The following PCGF3 variants were observed in gnomAD, a reference collection of about 807,000 sequenced individuals.
PCGF3 encodes polycomb group ring finger 3.
PCGF3 carries 7 observed loss-of-function variants against 33.1 expected under a neutral mutation model. That is an observed-to-expected ratio of 0.21 (90% confidence interval 0.12 to 0.40). The LOEUF (loss-of-function observed/expected upper bound fraction) is 0.40. Ranked by LOEUF, PCGF3 falls within the 10% of genes least tolerant of loss-of-function variation. PCGF3 has a pLI of 1.00. For missense variants in PCGF3, 211 were observed against 313.3 expected (o/e 0.67, Z 2.46); for synonymous variants, 153 against 121.3 (o/e 1.26, Z -1.72).
intron 6 of PCGF3, among the ~76,000 whole-genome samples, chr4:740,555 C>T (rs758585686): frequency 3.9e-5 from 6 of 152,104 alleles, no homozygotes; most frequent in Non-Finnish European, 5.9e-5. Context: ...CTCACCAGTC[C>T]TCTTTCCATG....
At chr4:733,832 C>T (rs112467704) in intron 4 of PCGF3, 43 bp downstream of exon 4, 2 of 1,613,484 alleles carry the variant, frequency 1.2e-6, no homozygotes, top group Non-Finnish European at 1.7e-6. Flanking sequence ...CGCGCCCTTC[C>T]CAGCTCTGTG....
chr4:755,087 G>C (rs73058457), intron 8 of PCGF3, among the ~76,000 whole-genome samples: 1 of 152,234 alleles, frequency 6.6e-6, no homozygotes, highest in African/African-American at 2.4e-5. Context: ...GGTGTGTAAC[G>C]TACCCGCTTG....
intron 1 of PCGF3, among the ~76,000 whole-genome samples, chr4:719,510 C>A (rs1742989711): frequency 6.6e-6 from 1 of 152,248 alleles, no homozygotes; most frequent in Middle Eastern, 3.2e-3. Context: ...GCCGCCCCCC[C>A]AGGTCCTGTG....
chr4:718,152 C>T (rs1238415237), intron 1 of PCGF3, among the ~76,000 whole-genome samples: 2 of 152,136 alleles, frequency 1.3e-5, no homozygotes, highest in African/African-American at 2.4e-5. Context: ...TCCTGATGGA[C>T]GTGCCGGCCG....
intron 1 of PCGF3, among the ~76,000 whole-genome samples, chr4:717,054 C>T (rs1264480811): frequency 4.5e-5 from 6 of 134,280 alleles, no homozygotes; most frequent in South Asian, 2.7e-4. Flanking sequence ...AACTGGGCGT[C>T]GGTGCTGGGA....
intron 1 of PCGF3, among the ~76,000 whole-genome samples, chr4:716,873 G>T (rs1456547965): frequency 7.2e-6 from 1 of 138,332 alleles, no homozygotes; most frequent in African/African-American, 2.7e-5. Flanking sequence ...GTGAGAACTG[G>T]GCGTCGGTGC....
chr4:734,095 C>G lies in PCGF3; in HGVS notation c.109+306C>G, dbSNP rs1743734939. The G allele has an allele frequency of 2.6e-6, 4 of 1,550,664 alleles. No homozygotes were observed. In the South Asian group the frequency reaches 4.8e-5, roughly 18 times the overall value. ...TGACAGTGCTCACTGCTGGCAGTTT[C>G]CAAATCTCCAGAGGAGTTCCTTAGA... On this transcript the variant is annotated intron_variant, in intron 4 of 10. Coordinates refer to ENST00000362003, the Ensembl canonical transcript of PCGF3.
intron 8 of PCGF3, among the ~76,000 whole-genome samples, chr4:747,802 C>A (rs1163890619): frequency 6.6e-6 from 1 of 152,190 alleles, no homozygotes; most frequent in Non-Finnish European, 1.5e-5. Context: ...CACCAGAAAC[C>A]TTCCCTGGGG....
rs1366217996 is a variant in PCGF3, at chr4:707,953, C to T, written c.-190+1983C>T. Among the ~76,000 whole-genome samples the T allele has an allele frequency of 3.2e-5, 4 of 123,858 alleles. 1 individual carries two copies. The highest frequency in any genetic ancestry group is 7.3e-5 in the Non-Finnish European group (4 of 54,672). 81.3% of individuals were successfully genotyped at this position (123,858 alleles called of 152,430 possible). ...GACAGCCCTGTTTTCCCCTGGGGGC[C>T]GGGACCCTGGGACAGCCCTGTTTTC... On this transcript the variant is annotated intron_variant, in intron 1 of 10. Transcript: ENST00000362003.
chr4:757,272 A>C (rs1302218985), intron 8 of PCGF3: 4 of 147,038 alleles, frequency 2.7e-5, no homozygotes. Flanking sequence ...GGCCCCATGC[A>C]CTGCAGACCC....
At chr4:730,945 C>T (rs567963106) in intron 2 of PCGF3, 25 bp from the exon 3 acceptor site, 7 of 398,310 alleles carry the variant, frequency 1.8e-5, no homozygotes, top group Non-Finnish European at 3.1e-5. Flanking sequence ...GCGAAGTGAA[C>T]TAACAGGTGC....
chr4:732,658 G>C (rs927064748), intron 3 of PCGF3, among the ~76,000 whole-genome samples: 1 of 152,144 alleles, frequency 6.6e-6, no homozygotes, highest in Non-Finnish European at 1.5e-5. Flanking sequence ...GCTCAGCAGA[G>C]AGCTCCAGGC....
intron 8 of PCGF3, among the ~76,000 whole-genome samples, chr4:749,476 CTTTTTTTTTT>C (rs71640348): frequency 5.3e-5 from 4 of 75,482 alleles, no homozygotes; most frequent in East Asian, 4.2e-4. Context: ...ATTTTCTTTC[CTTTTTTTTTT>C]TTTTTTTTTT....
chr4:726,356 G>A lies in PCGF3; in HGVS notation c.-189-4274G>A, dbSNP rs571667854. 1.1e-4 allele frequency among the ~76,000 whole-genome samples: 17 copies of A among 152,290 alleles called. No individual in the cohort carries two copies. In the East Asian group the frequency reaches 1.5e-3, roughly 14 times the overall value. ...CCCAGGCCTCCCTCCAACGAGCAGC[G>A]CTGTGTGCTGGGAGCAGGCCCTGCG... On this transcript the variant is annotated intron_variant, in intron 1 of 10. Transcript: ENST00000362003.
At chr4:739,623 T>A (rs1329554001) in intron 6 of PCGF3, among the ~76,000 whole-genome samples, 2 of 152,234 alleles carry the variant, frequency 1.3e-5, no homozygotes, top group African/African-American at 4.8e-5. Context: ...CCACCCGTGT[T>A]TTTGGGAAGC....
chr4:768,419 A>C (rs1745474253), exon 11 of PCGF3: 1 of 151,672 alleles, frequency 6.6e-6, no homozygotes, highest in Non-Finnish European at 1.5e-5. Context: ...AAAAAGGCTG[A>C]ATTTCATTTT....
intron 8 of PCGF3, among the ~76,000 whole-genome samples, chr4:755,400 C>G (rs1032093695): frequency 6.6e-6 from 1 of 152,294 alleles, no homozygotes; most frequent in African/African-American, 2.4e-5. Flanking sequence ...CTTTGCCCAT[C>G]TCTGTCCTGG....
In PCGF3 at chr4:760,451, C is replaced by T. The variant is rs758903998; in HGVS notation, c.463-828C>T. On this transcript the variant is annotated intron_variant, in intron 8 of 10. Coordinates refer to ENST00000362003, the Ensembl canonical transcript of PCGF3. The stretch of plus-strand genomic sequence containing the variant: ...AGCCATCCACTGAGATGTTAGTTTC[C>T]GTGAGTGTTTTTATTTTTAGAAATT... 2.3e-4 allele frequency among the ~76,000 whole-genome samples: 35 copies of T among 152,108 alleles called. No individual in the cohort carries two copies. The Middle Eastern group carries it at 0.017, about 74-fold the overall frequency.
At chr4:740,514 C>G (rs562583918) in intron 6 of PCGF3, among the ~76,000 whole-genome samples, 1 of 152,022 alleles carries the variant, frequency 6.6e-6, no homozygotes, top group Non-Finnish European at 1.5e-5. Flanking sequence ...GGCTCCTGTC[C>G]GTTCCTGGTG....
Sources: allele counts gnomAD v4.1 joint callset (sites outside exome capture counted in the v4.1 genomes callset), GRCh38; gene constraint gnomAD v4.1.1; transcripts MANE v1.5; gene names NCBI Gene and HGNC (gene_info 2026-07-23, HGNC 2026-07-21).